The following ASAP3 variants were observed in gnomAD, a reference collection of about 807,000 sequenced individuals.
The protein encoded by ASAP3 is ArfGAP with SH3 domain, ankyrin repeat and PH domain 3.
In ASAP3, 85 loss-of-function variants were observed where a neutral mutation model predicts 118.2. That is an observed-to-expected ratio of 0.72 (90% confidence interval 0.60 to 0.86). The LOEUF is 0.86. Ranked by LOEUF, ASAP3 falls within the 40% of genes least tolerant of loss-of-function variation. The probability of loss-of-function intolerance (pLI) is 0.00; values close to 1 mark genes in which losing one functional copy is unlikely to be tolerated. For missense variants in ASAP3, 1,026 were observed against 1,175.0 expected (o/e 0.87, Z 1.85); for synonymous variants, 432 against 477.4 (o/e 0.90, Z 1.24).
At chr1:23,434,094 T>A (rs545844571) in intron 19 of ASAP3, among the ~76,000 whole-genome samples, 160 bp downstream of exon 19, 1 of 152,298 alleles carries the variant, frequency 6.6e-6, no homozygotes, top group South Asian at 2.1e-4. Flanking sequence ...TTATTCCCAT[T>A]TTACAGATGA....
Position 23,435,595 on chromosome 1 carries a change from A to T in ASAP3, c.1749+256T>A, listed in dbSNP as rs559566417. The T allele has an allele frequency of 3.8e-5, 21 of 558,154 alleles. 1 individual carries two copies. The highest frequency in any genetic ancestry group is 4.7e-4 in the Middle Eastern group (1 of 2,122). 34.6% of individuals were successfully genotyped at this position (558,154 alleles called of 1,614,324 possible). On this transcript the variant is annotated intron_variant, in intron 17 of 24. Transcript: ENST00000336689. The stretch of plus-strand genomic sequence containing the variant: ...TTCATCACCGTGGGTGCTATTATTA[A>T]CCCCTTTTATAGATGAGGAAATGAG...
At position 23,438,610 on chromosome 1, in the gene ASAP3, T is replaced by C; in HGVS notation, c.1102+137A>G. ...GGTATCCTAGACCTAAGGATTCTTA[T>C]GTCTGCAGTAGCAGCAATTCGACAC... On this transcript the variant is annotated intron_variant, in intron 12 of 24. Transcript: ENST00000336689. The surrounding 1 kb of genome is among the most constrained non-coding windows in gnomAD (Gnocchi z 4.9). 1.5e-6 allele frequency: 1 copy of C among 675,724 alleles called. No homozygotes were observed. The highest frequency in any genetic ancestry group is 2.6e-6 in the Non-Finnish European group (1 of 391,882). The allele number at this position is 675,724 out of a possible 1,614,324, so 41.9% of individuals were successfully genotyped here. A position where few individuals can be genotyped will look rare whatever the true frequency, so the allele number is the denominator to read the frequency against.
At chr1:23,471,725 A>T (rs1641966214) in intron 1 of ASAP3, among the ~76,000 whole-genome samples, 1 of 152,220 alleles carries the variant, frequency 6.6e-6, no homozygotes, top group Non-Finnish European at 1.5e-5. Flanking sequence ...GCATCTATCT[A>T]ATCAGACTGA....
At position 23,452,687 on chromosome 1, in the gene ASAP3, G is replaced by A. The variant is rs745360554; in HGVS notation, c.423+10C>T. The A allele has an allele frequency of 3.7e-5, 59 of 1,612,464 alleles. No homozygotes were observed. The highest frequency in any genetic ancestry group is 3.3e-4 in the Middle Eastern group (2 of 6,068). On this transcript the variant is annotated intron_variant, in intron 4 of 24. Coordinates refer to ENST00000336689, the MANE Select transcript of ASAP3 (RefSeq NM_017707.4). Reference sequence around the variant, plus strand: ...TCTGTCCCACCACCACTCCCAGCATGGAGACTCACCTGTCGACCGTCCCTC... The same window carrying A: ...TCTGTCCCACCACCACTCCCAGCATAGAGACTCACCTGTCGACCGTCCCTC...
At chr1:23,466,521 C>G (rs1641774680) in intron 1 of ASAP3, among the ~76,000 whole-genome samples, 1 of 152,196 alleles carries the variant, frequency 6.6e-6, no homozygotes. Flanking sequence ...ACCCTGATCC[C>G]AACATACACA....
In ASAP3 at chr1:23,442,036, A is replaced by T; in HGVS notation, c.671+150T>A. The T allele has an allele frequency of 1.3e-5, 11 of 829,406 alleles. No individual in the cohort carries two copies. In the South Asian group the frequency reaches 1.6e-4, roughly 12 times the overall value. The allele number at this position is 829,406 out of a possible 1,614,324, so 51.4% of individuals were successfully genotyped here. ...GATGTTTGTAAAGTACTCATGCCTG[A>T]CACCCGGTGAGCACTCAATGAGGAA... On this transcript the variant is annotated intron_variant, in intron 7 of 24. Transcript: ENST00000336689.
intron 1 of ASAP3, among the ~76,000 whole-genome samples, chr1:23,471,560 T>C (rs1005808758): frequency 1.3e-5 from 2 of 152,210 alleles, no homozygotes; most frequent in Non-Finnish European, 2.9e-5. Flanking sequence ...CCAGTGGCAA[T>C]ATAGAAAAGA....
chr1:23,470,400 C>A (rs938277201), intron 1 of ASAP3, among the ~76,000 whole-genome samples: 2 of 152,216 alleles, frequency 1.3e-5, no homozygotes, highest in Admixed American at 6.5e-5. Flanking sequence ...TTCCCAGCTA[C>A]CCCTCTGCCT....
At chr1:23,454,026 A>G (rs1641306114) in intron 3 of ASAP3, among the ~76,000 whole-genome samples, 2 of 147,290 alleles carry the variant, frequency 1.4e-5, no homozygotes, top group Admixed American at 6.8e-5. Context: ...CTCAAACACT[A>G]TTTTTTTTTT....
At position 23,462,248 on chromosome 1, in the gene ASAP3, T is replaced by C. The variant is rs1570389010; in HGVS notation, c.130-6054A>G. Among the ~76,000 whole-genome samples the C allele has an allele frequency of 3.3e-5, 5 of 151,346 alleles. No individual in the cohort carries two copies. In the South Asian group the frequency reaches 1.0e-3, roughly 32 times the overall value. On this transcript the variant is annotated intron_variant, in intron 1 of 24. Coordinates refer to ENST00000336689, the MANE Select transcript of ASAP3 (RefSeq NM_017707.4). ...ACCGTGTTAGCCAGGATGGTCTCGA[T>C]CTCCTGACCTCATGATCCGCCTGCC...
At chr1:23,444,963 C>T (rs1424812439) in intron 5 of ASAP3, among the ~76,000 whole-genome samples, 2 of 137,272 alleles carry the variant, frequency 1.5e-5, no homozygotes, top group Non-Finnish European at 1.5e-5. Flanking sequence ...GCTCTGTAGG[C>T]TTTTTTTTTT....
At chr1:23,471,198 A>C (rs1246653815) in intron 1 of ASAP3, among the ~76,000 whole-genome samples, 1 of 152,174 alleles carries the variant, frequency 6.6e-6, no homozygotes, top group African/African-American at 2.4e-5. Context: ...TCCAGCCATC[A>C]GACCTTTGCT....
intron 23 of ASAP3, 52 bp downstream of exon 23, chr1:23,431,644 C>T (rs1015898386): frequency 2.0e-6 from 3 of 1,470,970 alleles, no homozygotes; most frequent in Non-Finnish European, 2.7e-6. Flanking sequence ...TCAATGGATG[C>T]TCAGAGAAGT....
intron 1 of ASAP3, among the ~76,000 whole-genome samples, chr1:23,462,000 C>A (rs1046029602): frequency 1.3e-5 from 2 of 151,810 alleles, no homozygotes; most frequent in African/African-American, 4.8e-5. Flanking sequence ...ACAAGTCACC[C>A]GAATCACTCA....
chr1:23,440,033 C>A (rs1446855770), intron 10 of ASAP3, among the ~76,000 whole-genome samples: 1 of 151,028 alleles, frequency 6.6e-6, no homozygotes, highest in Non-Finnish European at 1.5e-5. Flanking sequence ...CTGGGCTGGT[C>A]TTGAACTCCT....
chr1:23,477,428 C>T (rs939084483), intron 1 of ASAP3, among the ~76,000 whole-genome samples: 1 of 148,090 alleles, frequency 6.8e-6, no homozygotes, highest in African/African-American at 2.5e-5. Context: ...GAGGGGCACA[C>T]GTGGAGGTGA....
intron 1 of ASAP3, among the ~76,000 whole-genome samples, chr1:23,457,909 T>C (rs1387506473): frequency 6.6e-6 from 1 of 152,170 alleles, no homozygotes; most frequent in South Asian, 2.1e-4. Context: ...GCTATATGTA[T>C]GAGAGGATGC....
rs1640699388 is a variant in ASAP3 at position 23,437,137 on chromosome 1, C to G, written c.1335G>C (p.Gly445=). The change falls in exon 14 of 25, where the codon GGG becomes GGC. Residue 445 remains glycine (G), a synonymous_variant. Transcript: ENST00000336689. This position sits in a 1 kb window ranked among gnomAD's most constrained non-coding sequence, Gnocchi z 6.1. ...RPGNSQCCDC[G]AADPTWLSTN... ...CCGGCCCCGGGGACCGACCTGCAGC[C>G]CCGCAGTCGCAGCACTGGCTATTCC... is the stretch of plus-strand genomic sequence containing the variant. The G allele has an allele frequency of 2.3e-5, 37 of 1,604,240 alleles. No homozygotes were observed. The highest frequency in any genetic ancestry group is 2.8e-5 in the Non-Finnish European group (33 of 1,175,126).
intron 1 of ASAP3, among the ~76,000 whole-genome samples, chr1:23,469,639 T>C (rs985952933): frequency 1.3e-5 from 2 of 152,192 alleles, no homozygotes; most frequent in Non-Finnish European, 2.9e-5. Context: ...GAGTCTATTA[T>C]TAGCATGAAT....
Sources: allele counts gnomAD v4.1 joint callset (sites outside exome capture counted in the v4.1 genomes callset), GRCh38; gene constraint gnomAD v4.1.1; non-coding constraint Gnocchi (gnomAD v3.1); transcripts MANE v1.5; gene names NCBI Gene and HGNC (gene_info 2026-07-23, HGNC 2026-07-21).